The following GLG1 variants were observed in gnomAD, a reference collection of about 807,000 sequenced individuals.
GLG1 encodes Golgi apparatus protein 1.
GLG1 carries 38 observed loss-of-function variants against 160.5 expected under a neutral mutation model. That is an observed-to-expected ratio of 0.24 (90% CI 0.18 to 0.31). GLG1 has a LOEUF of 0.31. Among genes scored for constraint, GLG1 ranks in the 10% least tolerant of loss-of-function variants. The pLI is 1.00. For missense variants in GLG1, 1,373 were observed against 1,505.2 expected (o/e 0.91, Z 1.45); for synonymous variants, 644 against 543.4 (o/e 1.19, Z -2.57).
rs1957856909 is a variant in GLG1 at position 74,578,134 on chromosome 16, C to A, written c.438+28523G>T. Among the ~76,000 whole-genome samples, 2 of 152,222 alleles carry A rather than the reference C, an allele frequency of 1.3e-5. 1 individual carries two copies. Among genetic ancestry groups the A allele is most frequent in the African/African-American group, 4.8e-5 (2 of 41,548 alleles). ...TTTTGTTTGTTTTTGTTTAATTAGA[C>A]CTAAGTTGCAATACATTTGATCTCT... On this transcript the variant is annotated intron_variant, in intron 1 of 25. Coordinates refer to ENST00000422840, the MANE Select transcript of GLG1 (RefSeq NM_001145667.2).
intron 24 of GLG1, 79 bp downstream of exon 24, chr16:74,457,795 T>C: frequency 7.4e-7 from 1 of 1,358,318 alleles, no homozygotes; most frequent in East Asian, 2.3e-5. Context: ...CCACAGTAGC[T>C]GCAACTGATG....
chr16:74,457,814 G>C lies in GLG1; in HGVS notation c.3265+60C>G, dbSNP rs1205981974. 2.6e-6 allele frequency: 4 copies of C among 1,515,686 alleles called. No individual in the cohort carries two copies. In the African/African-American group the frequency reaches 5.5e-5, roughly 21 times the overall value. The allele number at this position is 1,515,686 out of a possible 1,614,324, so 93.9% of individuals were successfully genotyped here. On this transcript the variant is annotated intron_variant, in intron 24 of 25. Transcript: ENST00000422840. ...AGTAGCTGCAACTGATGTCTAAGAG[G>C]GAGTCTTTGCTCTTCCCAAGAGAGT...
intron 23 of GLG1, chr16:74,458,236 G>GT (rs2014640174): frequency 2.5e-6 from 1 of 397,100 alleles, no homozygotes; most frequent in Non-Finnish European, 4.6e-6. Flanking sequence ...GTAAGTGACT[G>GT]TAAGATCAGA....
chr16:74,464,753 G>C (rs1267091918), intron 19 of GLG1, among the ~76,000 whole-genome samples: 1 of 152,082 alleles, frequency 6.6e-6, no homozygotes, highest in African/African-American at 2.4e-5. Context: ...ATTCTCTCTA[G>C]AATTTATTTG....
intron 1 of GLG1, among the ~76,000 whole-genome samples, chr16:74,555,128 G>A (rs1283618054): frequency 3.3e-5 from 5 of 152,090 alleles, no homozygotes; most frequent in Non-Finnish European, 7.4e-5. Context: ...CCCACCAGAT[G>A]GGCCATTCTC....
At chr16:74,565,411 ATATTT>A (rs2018628083) in intron 1 of GLG1, among the ~76,000 whole-genome samples, 1 of 152,238 alleles carries the variant, frequency 6.6e-6, no homozygotes, top group Non-Finnish European at 1.5e-5. Flanking sequence ...GCCTTCTTAC[ATATTT>A]TAAGTTCGGG....
intron 12 of GLG1, among the ~76,000 whole-genome samples, chr16:74,475,976 G>T (rs2015378758): frequency 6.6e-6 from 1 of 152,168 alleles, no homozygotes; most frequent in South Asian, 2.1e-4. Flanking sequence ...GAGCTCAGGA[G>T]TTAGAGACCA....
chr16:74,582,082 T>C (rs925205099), intron 1 of GLG1, among the ~76,000 whole-genome samples: 2 of 152,198 alleles, frequency 1.3e-5, no homozygotes, highest in Non-Finnish European at 2.9e-5. Context: ...CCCTGTTTCT[T>C]TGCCTTTAAA....
chr16:74,531,686 G>A (rs1412641955), intron 2 of GLG1, among the ~76,000 whole-genome samples: 2 of 152,088 alleles, frequency 1.3e-5, no homozygotes, highest in Admixed American at 6.6e-5. Context: ...TCATTTTTGT[G>A]TCTCCAGTGT....
chr16:74,516,028 A>C (rs1000707927), intron 2 of GLG1, among the ~76,000 whole-genome samples: 4 of 151,674 alleles, frequency 2.6e-5, no homozygotes, highest in Non-Finnish European at 5.9e-5. Context: ...ATATGCACCC[A>C]ATACAGGAGC....
chr16:74,523,695 TTAAAA>T lies in GLG1; in HGVS notation c.471+8421_471+8425del, dbSNP rs1240908017. Among the ~76,000 whole-genome samples, 5 of 152,096 alleles carry T rather than the reference TTAAAA, an allele frequency of 3.3e-5. No homozygotes were observed. In the East Asian group the frequency reaches 9.6e-4, roughly 29 times the overall value. On this transcript the variant is annotated intron_variant, in intron 2 of 25. Coordinates refer to ENST00000422840, the MANE Select transcript of GLG1 (RefSeq NM_001145667.2). ...AGTATTTGATGCTTTACATGTTACTTTAAAATAATATTAATTTTTAATATATTTTT... is the reference window on the plus strand; with the variant it reads ...AGTATTTGATGCTTTACATGTTACTTTAATATTAATTTTTAATATATTTTT...
Position 74,570,643 on chromosome 16 carries a change from C to T in GLG1, c.438+36014G>A, listed in dbSNP as rs188360628. On this transcript the variant is annotated intron_variant, in intron 1 of 25. Coordinates refer to ENST00000422840, the MANE Select transcript of GLG1 (RefSeq NM_001145667.2). ...AGGCACAGTGGCTCTCATCTGTAAT[C>T]ACAACACTTTGGGACGCCAGGGCAG... is the stretch of plus-strand genomic sequence containing the variant. Among the ~76,000 whole-genome samples, 237 of 152,236 alleles carry T rather than the reference C, an allele frequency of 1.6e-3. 3 individuals are homozygous for T. In the South Asian group the frequency reaches 0.016, roughly 10 times the overall value.
chr16:74,496,644 C>G lies in GLG1; in HGVS notation c.775G>C (p.Asp259His), dbSNP rs1433952223. The G allele has an allele frequency of 1.9e-6, 3 of 1,594,696 alleles. No homozygotes were observed. In the African/African-American group the frequency reaches 4.0e-5, roughly 21 times the overall value. The change falls in exon 5 of 26, where the codon GAT (aspartate) becomes CAT (histidine). Residue 259 changes from aspartate (D) to histidine (H), a missense_variant and splice_region_variant. Physicochemically the swap from Asp to His is moderately conservative, Grantham distance 81. Around this residue, in one of 4 missense-constraint regions of GLG1, gnomAD observed 174 missense variants for 229.9 expected, o/e 0.76. Transcript: ENST00000422840. The stretch of plus-strand genomic sequence containing the variant: ...ACCACCTCACCTTGTGAATGTGCAT[C>G]CTAAAATAGCGAGGATATTAATATT... ...KCGSIRLGEK[D>H]AHSQGEVVSC...
At chr16:74,511,760 T>C (rs1344064025) in intron 2 of GLG1, among the ~76,000 whole-genome samples, 1 of 152,072 alleles carries the variant, frequency 6.6e-6, no homozygotes, top group Non-Finnish European at 1.5e-5. Context: ...TAGAAATAGA[T>C]TTTCCGCCAA....
intron 7 of GLG1, among the ~76,000 whole-genome samples, chr16:74,492,741 C>T (rs1395554556): frequency 1.3e-5 from 2 of 150,978 alleles, no homozygotes; most frequent in African/African-American, 4.9e-5. Flanking sequence ...ATGGCGTGAA[C>T]ACGGAAGGCG....
chr16:74,513,971 A>C (rs902565271), intron 2 of GLG1, among the ~76,000 whole-genome samples: 4 of 152,214 alleles, frequency 2.6e-5, no homozygotes, highest in African/African-American at 9.6e-5. Flanking sequence ...TGAAAACCAC[A>C]GTACGAGAAC....
chr16:74,452,281 G>C lies in GLG1; in HGVS notation c.*886C>G. The C allele has an allele frequency of 1.4e-6, 2 of 1,463,238 alleles. No individual in the cohort carries two copies. Among genetic ancestry groups the C allele is most frequent in the Non-Finnish European group, 1.8e-6 (2 of 1,107,924 alleles). The allele number at this position is 1,463,238 out of a possible 1,614,324, so 90.6% of individuals were successfully genotyped here. A position where few individuals can be genotyped will look rare whatever the true frequency, so the allele number is the denominator to read the frequency against. On this transcript the variant is annotated 3_prime_UTR_variant, in exon 26 of 26. Coordinates refer to ENST00000422840, the MANE Select transcript of GLG1 (RefSeq NM_001145667.2). ...GAGTGACTGTAGCCTCAGCAGGGCCGGTCCAGACATGGCTGAGTCCTGTGC... is the reference window on the plus strand; with the variant it reads ...GAGTGACTGTAGCCTCAGCAGGGCCCGTCCAGACATGGCTGAGTCCTGTGC...
intron 2 of GLG1, among the ~76,000 whole-genome samples, chr16:74,512,160 CT>C (rs71848568): frequency 1.4e-3 from 189 of 135,808 alleles, no homozygotes; most frequent in African/African-American, 1.5e-3. Context: ...TCTTTTATTT[CT>C]TTTTTTTTTT....
At chr16:74,499,998 G>C (rs755525009) in intron 4 of GLG1, among the ~76,000 whole-genome samples, 3 of 152,078 alleles carry the variant, frequency 2.0e-5, no homozygotes, top group Non-Finnish European at 4.4e-5. Flanking sequence ...GTGAGACTCC[G>C]TCTCAACAAC....
Sources: gnomAD v4.1 joint callset for allele counts (sites outside exome capture counted in the v4.1 genomes callset) on GRCh38, gnomAD v4.1.1 for gene constraint, gnomAD v4.1.1 regional missense constraint, MANE v1.5 for transcripts, NCBI Gene and HGNC (gene_info 2026-07-23, HGNC 2026-07-21) for gene names.